USH2A: variants seen among roughly 807,000 people sequenced by gnomAD.
The protein encoded by USH2A is usherin.
A neutral mutation model predicts 538.9 loss-of-function variants in USH2A; 443 were observed. The observed-to-expected ratio is 0.82, with a 90% CI of 0.76 to 0.89. USH2A has a LOEUF of 0.89. USH2A is among the 40% of genes least tolerant of loss of function. The pLI is 0.00. For missense variants in USH2A, 6,633 were observed against 6,324.8 expected (o/e 1.05, Z -1.65); for synonymous variants, 2,413 against 2,273.5 (o/e 1.06, Z -1.75).
chr1:216,339,119 A>C (rs1211716344), intron 4 of USH2A, among the ~76,000 whole-genome samples: 6 of 151,674 alleles, frequency 4.0e-5, no homozygotes. Flanking sequence ...AACTCTCCAC[A>C]TGGAAACAAA....
intron 21 of USH2A, among the ~76,000 whole-genome samples, chr1:216,155,105 C>T (rs1388399028): frequency 6.6e-6 from 1 of 152,124 alleles, no homozygotes; most frequent in Non-Finnish European, 1.5e-5. Context: ...CATCTTGCTT[C>T]TAACCTTCAA....
At chr1:215,953,354 G>C (rs1227640259) in intron 37 of USH2A, among the ~76,000 whole-genome samples, 1 of 152,150 alleles carries the variant, frequency 6.6e-6, no homozygotes, top group Non-Finnish European at 1.5e-5. Flanking sequence ...CATGGTACTG[G>C]TACCAAAACA....
chr1:216,286,363 C>T (rs1558365113), intron 11 of USH2A, among the ~76,000 whole-genome samples: 1 of 152,138 alleles, frequency 6.6e-6, no homozygotes, highest in South Asian at 2.1e-4. Flanking sequence ...GTAAGACATG[C>T]CTTTGCTTCT....
intron 67 of USH2A, among the ~76,000 whole-genome samples, chr1:215,643,557 G>T (rs1221229028): frequency 1.3e-5 from 2 of 148,440 alleles, no homozygotes; most frequent in African/African-American, 5.0e-5. Context: ...ACCAAGTCTT[G>T]CTCTGTTGCC....
At chr1:216,092,660 CT>C (rs947838110) in intron 22 of USH2A, among the ~76,000 whole-genome samples, 1 of 151,970 alleles carries the variant, frequency 6.6e-6, no homozygotes, top group Non-Finnish European at 1.5e-5. Context: ...TGTTTAGTAC[CT>C]GTTTTAGAGT....
chr1:216,094,223 G>C (rs12090884), intron 22 of USH2A, among the ~76,000 whole-genome samples: 6,027 of 152,132 alleles, frequency 0.04, 414 homozygotes, highest in African/African-American at 0.14. Context: ...AGCATTTGCT[G>C]TCCTTTTTAA....
intron 47 of USH2A, among the ~76,000 whole-genome samples, chr1:215,823,767 A>G (rs1343086880): frequency 1.3e-5 from 2 of 151,624 alleles, no homozygotes; most frequent in Non-Finnish European, 2.9e-5. Flanking sequence ...ATTTTCAAAT[A>G]GCCTGTCTCA....
intron 9 of USH2A, among the ~76,000 whole-genome samples, chr1:216,321,384 C>T (rs891238689): frequency 2.0e-5 from 3 of 152,106 alleles, no homozygotes; most frequent in Non-Finnish European, 4.4e-5. Flanking sequence ...AGTAACATAA[C>T]TCATAAATCA....
intron 4 of USH2A, among the ~76,000 whole-genome samples, chr1:216,346,747 G>C (rs935465414): frequency 6.6e-6 from 1 of 151,366 alleles, no homozygotes; most frequent in Non-Finnish European, 1.5e-5. Context: ...CTGCTTATTA[G>C]GCTTTAGAAA....
intron 21 of USH2A, among the ~76,000 whole-genome samples, chr1:216,133,372 C>T (rs1159707209): frequency 6.6e-6 from 1 of 152,104 alleles, no homozygotes; most frequent in East Asian, 1.9e-4. Context: ...TGAGAAGTCT[C>T]AAATGCTGTC....
At position 215,945,162 on chromosome 1, in the gene USH2A, A is replaced by C. The variant is rs142294066; in HGVS notation, c.7121-10367T>G. Among the ~76,000 whole-genome samples, 477 of 152,254 alleles carry C rather than the reference A, an allele frequency of 3.1e-3. 4 individuals carry two copies. Among genetic ancestry groups the C allele is most frequent in the Admixed American group, 7.5e-3 (115 of 15,286 alleles). On this transcript the variant is annotated intron_variant, in intron 37 of 71. Transcript: ENST00000307340. ...GATATGTAAAGGATCATAAGATATA[A>C]ATTTGTTTGTAAAGCAAAGAGAGTT... is the stretch of plus-strand genomic sequence containing the variant.
At chr1:216,084,975 G>T in intron 24 of USH2A, 98 bp from the exon 25 acceptor site, 1 of 1,155,252 alleles carries the variant, frequency 8.7e-7, no homozygotes, top group Non-Finnish European at 1.3e-6. Context: ...ATAGGCACTA[G>T]CTCTCACTAC....
intron 32 of USH2A, among the ~76,000 whole-genome samples, chr1:216,003,238 G>A (rs1668308836): frequency 6.6e-6 from 1 of 152,164 alleles, no homozygotes; most frequent in Non-Finnish European, 1.5e-5. Flanking sequence ...GTTTAGTTGA[G>A]CTTGTCAAAT....
chr1:216,358,583 C>A (rs1438405959), intron 4 of USH2A, among the ~76,000 whole-genome samples: 1 of 151,968 alleles, frequency 6.6e-6, no homozygotes, highest in East Asian at 1.9e-4. Flanking sequence ...GAGCCTGGCT[C>A]ATTAGGCAGA....
intron 4 of USH2A, among the ~76,000 whole-genome samples, chr1:216,350,281 C>T (rs1196095778): frequency 5.3e-5 from 8 of 152,084 alleles, no homozygotes; most frequent in Admixed American, 3.9e-4. Context: ...TGTCATTCTG[C>T]CTCTGGCCCC....
At chr1:216,193,701 A>T (rs2034770952) in intron 19 of USH2A, among the ~76,000 whole-genome samples, 1 of 152,138 alleles carries the variant, frequency 6.6e-6, no homozygotes, top group Non-Finnish European at 1.5e-5. Flanking sequence ...AGACAGAGGC[A>T]GCAGATATTA....
intron 64 of USH2A, among the ~76,000 whole-genome samples, chr1:215,652,088 A>G (rs1187103188): frequency 6.6e-6 from 1 of 152,164 alleles, no homozygotes; most frequent in Admixed American, 6.5e-5. Context: ...ATTTGTATAA[A>G]CTCTACATTT....
chr1:215,714,995 A>G (rs6703028), intron 61 of USH2A, among the ~76,000 whole-genome samples: 3,772 of 152,288 alleles, frequency 0.025, 147 homozygotes, highest in African/African-American at 0.086. Flanking sequence ...TTAAAATTTA[A>G]TTTAAAGTTC....
rs2035706482 is a variant in USH2A at position 216,232,022 on chromosome 1, G to A, written c.2924C>T (p.Ala975Val). The A allele has an allele frequency of 6.2e-7, 1 of 1,614,052 alleles. No homozygotes were observed. The highest frequency in any genetic ancestry group is 8.5e-7 in the Non-Finnish European group (1 of 1,179,934). The change falls in exon 14 of 72, where the codon GCT becomes GTT. Residue 975 changes from alanine to valine, a missense_variant. Physicochemically the swap from Ala to Val is moderately conservative, Grantham distance 64. Transcript: ENST00000307340. ...SLTGQCVCQD[A>V]SIAGQRCDQC... is the part of the protein sequence containing the mutation. ...GTCACAACGTTGCCCAGCAATGGAA[G>A]CATCTTGGCAAACACACTGACCAGT...
Sources: allele counts gnomAD v4.1 joint callset (sites outside exome capture counted in the v4.1 genomes callset), GRCh38; gene constraint gnomAD v4.1.1; transcripts MANE v1.5; gene names NCBI Gene and HGNC (gene_info 2026-07-23, HGNC 2026-07-21).